Variants in GRM7 observed in about 807,000 individuals in gnomAD.
The protein encoded by GRM7 is glutamate metabotropic receptor 7.
A neutral mutation model predicts 84.5 loss-of-function variants in GRM7; 35 were observed. The ratio of observed to expected loss-of-function variants is 0.41; its 90% CI spans 0.32 to 0.55. GRM7 has a LOEUF of 0.55. GRM7 is among the 20% of genes least tolerant of loss of function. The pLI is 0.19. For missense variants in GRM7, 1,003 were observed against 1,194.6 expected (o/e 0.84, Z 2.36); for synonymous variants, 487 against 455.1 (o/e 1.07, Z -0.89).
chr3:7,452,708 A>C lies in GRM7; in HGVS notation c.1276A>C (p.Asn426His). The change falls in exon 6 of 10, where the codon AAC (asparagine) becomes CAC (histidine). Residue 426 changes from asparagine to histidine, a missense_variant. Physicochemically the swap from Asn to His is moderately conservative, Grantham distance 68. This residue lies in a region of GRM7 where 910 missense variants were observed against 1,126.0 expected (regional missense o/e 0.81). Transcript: ENST00000357716. ...YAMAHALHHM[N>H]KDLCADYRGV... Reference sequence around the variant, plus strand: ...TATGGCTCACGCCCTTCACCACATGAACAAGGATCTCTGTGCTGACTACCG... The same window carrying C: ...TATGGCTCACGCCCTTCACCACATGCACAAGGATCTCTGTGCTGACTACCG... 2.5e-6 allele frequency: 4 copies of C among 1,613,244 alleles called. No homozygotes were observed. Among genetic ancestry groups the C allele is most frequent in the Non-Finnish European group, 3.4e-6 (4 of 1,179,356 alleles).
chr3:6,909,705 A>G (rs1696701441), intron 1 of GRM7, among the ~76,000 whole-genome samples: 1 of 152,066 alleles, frequency 6.6e-6, no homozygotes, highest in Non-Finnish European at 1.5e-5. Context: ...CCAGTCTATC[A>G]TGACATTCTT....
At chr3:7,451,323 A>G (rs1239060606) in intron 5 of GRM7, among the ~76,000 whole-genome samples, 5 of 152,342 alleles carry the variant, frequency 3.3e-5, no homozygotes, top group Admixed American at 3.3e-4. Flanking sequence ...CTGGTAGAGC[A>G]TTAAAATATG....
intron 7 of GRM7, among the ~76,000 whole-genome samples, chr3:7,527,977 C>T (rs1700873829): frequency 6.6e-6 from 1 of 151,872 alleles, no homozygotes; most frequent in South Asian, 2.1e-4. Context: ...GGTACTGACA[C>T]ATTGTTTTAT....
intron 1 of GRM7, among the ~76,000 whole-genome samples, chr3:6,973,403 G>A (rs1207455743): frequency 6.6e-6 from 1 of 152,146 alleles, no homozygotes; most frequent in African/African-American, 2.4e-5. Context: ...TTGCATGCCA[G>A]TAGTAGGGAA....
chr3:7,450,807 T>C (rs1293986393), intron 5 of GRM7, among the ~76,000 whole-genome samples: 1 of 152,106 alleles, frequency 6.6e-6, no homozygotes, highest in Non-Finnish European at 1.5e-5. Flanking sequence ...TTAAATGAGA[T>C]ACATATAAAA....
intron 2 of GRM7, among the ~76,000 whole-genome samples, chr3:7,193,745 A>T (rs1003923166): frequency 6.6e-6 from 1 of 151,968 alleles, no homozygotes; most frequent in African/African-American, 2.4e-5. Flanking sequence ...TGATTTATTA[A>T]GTTAAAAACA....
chr3:6,971,415 T>A (rs1021453902), intron 1 of GRM7, among the ~76,000 whole-genome samples: 3 of 152,134 alleles, frequency 2.0e-5, no homozygotes, highest in African/African-American at 7.2e-5. Flanking sequence ...CTAATACCCA[T>A]CACCCCCTGC....
At chr3:7,355,587 C>G (rs906985361) in intron 4 of GRM7, among the ~76,000 whole-genome samples, 4 of 152,076 alleles carry the variant, frequency 2.6e-5, no homozygotes, top group Non-Finnish European at 5.9e-5. Flanking sequence ...TTTTGGCACT[C>G]TACTAAGTCT....
chr3:6,881,044 G>T lies in GRM7; in HGVS notation c.519+19137G>T, dbSNP rs533168082. On this transcript the variant is annotated intron_variant, in intron 1 of 9. Coordinates refer to ENST00000357716, the MANE Select transcript of GRM7 (RefSeq NM_000844.4). ...CAAGAGCCTACCGTTTCAATTATAT[G>T]CCTGTACATTGTCTCAAAAAGGAAA... Among the ~76,000 whole-genome samples the T allele has an allele frequency of 6.6e-5, 10 of 152,210 alleles. No homozygotes were observed. The East Asian group carries it at 1.2e-3, about 18-fold the overall frequency.
intron 4 of GRM7, among the ~76,000 whole-genome samples, chr3:7,411,315 G>A (rs1464873368): frequency 6.6e-6 from 1 of 152,094 alleles, no homozygotes; most frequent in Non-Finnish European, 1.5e-5. Context: ...ACTGCCATAG[G>A]TTATATTATA....
intron 2 of GRM7, among the ~76,000 whole-genome samples, chr3:7,295,765 G>T (rs908568941): frequency 1.3e-5 from 2 of 151,448 alleles, no homozygotes; most frequent in Non-Finnish European, 2.9e-5. Flanking sequence ...TGTTTATTGA[G>T]TTCATATCCT....
chr3:7,253,594 G>A (rs1559530055), intron 2 of GRM7, among the ~76,000 whole-genome samples: 1 of 138,210 alleles, frequency 7.2e-6, no homozygotes, highest in Non-Finnish European at 1.5e-5. Flanking sequence ...TCCAGCCCAG[G>A]CAACAAGAGT....
At chr3:7,546,685 A>C (rs1395258093) in intron 7 of GRM7, among the ~76,000 whole-genome samples, 2 of 152,116 alleles carry the variant, frequency 1.3e-5, no homozygotes, top group Non-Finnish European at 2.9e-5. Flanking sequence ...GAATGGATAC[A>C]GAAAAGCCTA....
intron 7 of GRM7, among the ~76,000 whole-genome samples, chr3:7,501,275 A>G (rs1699874092): frequency 6.6e-6 from 1 of 152,156 alleles, no homozygotes; most frequent in Non-Finnish European, 1.5e-5. Context: ...ATCAAAACTC[A>G]CCCTTTTGAA....
chr3:7,615,199 C>T (rs1332889474), intron 8 of GRM7, among the ~76,000 whole-genome samples: 4 of 151,848 alleles, frequency 2.6e-5, no homozygotes, highest in African/African-American at 7.3e-5. Context: ...GTGTATTCTT[C>T]CTCCCTTAGA....
chr3:7,408,592 T>C (rs1253541813), intron 4 of GRM7, among the ~76,000 whole-genome samples: 2 of 152,162 alleles, frequency 1.3e-5, no homozygotes, highest in Non-Finnish European at 2.9e-5. Flanking sequence ...CAGTTAATAT[T>C]GATAGGAACT....
chr3:6,927,508 A>T (rs1697353159), intron 1 of GRM7, among the ~76,000 whole-genome samples: 1 of 147,744 alleles, frequency 6.8e-6, no homozygotes, highest in Non-Finnish European at 1.5e-5. Flanking sequence ...AAAGAAAGAA[A>T]GAAAGAAAGA....
intron 1 of GRM7, among the ~76,000 whole-genome samples, chr3:6,981,841 C>T (rs13061123): frequency 2.0e-5 from 3 of 152,120 alleles, no homozygotes; most frequent in Non-Finnish European, 4.4e-5. Flanking sequence ...AACACTTATA[C>T]ACTACTGGTG....
Position 7,251,072 on chromosome 3 carries a change from A to G in GRM7, c.737-47612A>G, listed in dbSNP as rs1697966925. Among the ~76,000 whole-genome samples, 3 of 152,166 alleles carry G rather than the reference A, an allele frequency of 2.0e-5. No homozygotes were observed. In the South Asian group the frequency reaches 6.2e-4, roughly 32 times the overall value. ...TAACAGTGGAGGGGTTGACTTGGTT[A>G]GATTGTGAAGTGTATTCTAAGGCTT... On this transcript the variant is annotated intron_variant, in intron 2 of 9. Coordinates refer to ENST00000357716, the MANE Select transcript of GRM7 (RefSeq NM_000844.4).
Sources: gnomAD v4.1 joint callset for allele counts (sites outside exome capture counted in the v4.1 genomes callset) on GRCh38, gnomAD v4.1.1 for gene constraint, gnomAD v4.1.1 regional missense constraint, MANE v1.5 for transcripts, NCBI Gene and HGNC (gene_info 2026-07-23, HGNC 2026-07-21) for gene names.